Variants in PPP6R3 observed in about 807,000 individuals in gnomAD.
The protein encoded by PPP6R3 is protein phosphatase 6 regulatory subunit 3, also known as serine/threonine-protein phosphatase 6 regulatory subunit 3.
Under a neutral mutation model 110.7 loss-of-function variants are expected in PPP6R3, and 38 were observed. The ratio of observed to expected loss-of-function variants is 0.34; its 90% confidence interval spans 0.26 to 0.45. The LOEUF is 0.45. Ranked by LOEUF, PPP6R3 falls within the 20% of genes least tolerant of loss-of-function variation. The probability of loss-of-function intolerance (pLI) is 1.00; values close to 1 mark genes in which losing one functional copy is unlikely to be tolerated. For synonymous variants in PPP6R3, 369 were observed against 373.5 expected, an observed-to-expected ratio of 0.99 and a Z score of 0.14; for missense variants, 870 against 1,062.4, an observed-to-expected ratio of 0.82 and a Z score of 2.52.
At chr11:68,602,845 G>C (rs2099635842) in intron 21 of PPP6R3, among the ~76,000 whole-genome samples, 1 of 152,198 alleles carries the variant, frequency 6.6e-6, no homozygotes, top group South Asian at 2.1e-4. Flanking sequence ...GTCGATGTTT[G>C]AATCCAGGAA....
intron 7 of PPP6R3, among the ~76,000 whole-genome samples, chr11:68,556,624 C>T (rs974718660): frequency 6.6e-6 from 1 of 151,170 alleles, no homozygotes. Flanking sequence ...CAGGAAACAG[C>T]TCATATCATG....
intron 22 of PPP6R3, among the ~76,000 whole-genome samples, chr11:68,605,915 A>G (rs1246275376): frequency 6.6e-6 from 1 of 152,230 alleles, no homozygotes; most frequent in Non-Finnish European, 1.5e-5. Flanking sequence ...TAGAGAAGAT[A>G]GAAAAAGTAC....
rs577304393 is a variant in PPP6R3 at position 68,511,750 on chromosome 11, G to T, written c.-157-7751G>T. Among the ~76,000 whole-genome samples the T allele has an allele frequency of 2.1e-5, 3 of 142,390 alleles. No homozygotes were observed. In the South Asian group the frequency reaches 6.7e-4, roughly 32 times the overall value. The allele number at this position is 142,390 out of a possible 152,430, so 93.4% of individuals were successfully genotyped here. ...CCCGCCTCGGCCTCCCAAAGTGCTG[G>T]GATTACAGGCATGAGCCACTGCGCC... On this transcript the variant is annotated intron_variant, in intron 1 of 23. Coordinates refer to ENST00000393800, the MANE Select transcript of PPP6R3 (RefSeq NM_001164161.2).
intron 3 of PPP6R3, among the ~76,000 whole-genome samples, chr11:68,541,999 G>A (rs2099318090): frequency 6.6e-6 from 1 of 152,042 alleles, no homozygotes; most frequent in South Asian, 2.1e-4. Context: ...GAGAGGAAGT[G>A]GTAGGTCGAG....
At chr11:68,609,436 CA>C in intron 22 of PPP6R3, 1 of 794,070 alleles carries the variant, frequency 1.3e-6, no homozygotes, top group Non-Finnish European at 2.2e-6. Flanking sequence ...GCCCCAAAAG[CA>C]AAGTGCTTTA....
chr11:68,486,338 G>A (rs910569707), intron 1 of PPP6R3, among the ~76,000 whole-genome samples: 6 of 152,014 alleles, frequency 3.9e-5, no homozygotes, highest in African/African-American at 1.2e-4. Flanking sequence ...GGGTGCAGTG[G>A]CTCACACTTG....
At position 68,544,428 on chromosome 11, in the gene PPP6R3, T is replaced by G. The variant is rs1001401417; in HGVS notation, c.228-410T>G. On this transcript the variant is annotated intron_variant, in intron 3 of 23. Coordinates refer to ENST00000393800, the MANE Select transcript of PPP6R3 (RefSeq NM_001164161.2). ...ACAAGGTGCTGCATGCAGTGCAGTT[T>G]CCTGGAAACCAGTGTCCTCCACAGT... Among the ~76,000 whole-genome samples the G allele has an allele frequency of 2.0e-5, 3 of 152,208 alleles. No individual in the cohort carries two copies. The East Asian group carries it at 5.8e-4, about 29-fold the overall frequency.
At chr11:68,601,806 G>C (rs2099632636) in intron 20 of PPP6R3, 57 bp from the exon 21 acceptor site, 1 of 1,379,582 alleles carries the variant, frequency 7.2e-7, no homozygotes, top group Admixed American at 1.8e-5. Flanking sequence ...TGTGAATCTT[G>C]GGGTAACTGA....
At chr11:68,524,005 A>T (rs1354293253) in intron 2 of PPP6R3, among the ~76,000 whole-genome samples, 2 of 152,064 alleles carry the variant, frequency 1.3e-5, no homozygotes, top group African/African-American at 4.8e-5. Context: ...GTCAGCCCAA[A>T]TGTAGCCATG....
Position 68,614,486 on chromosome 11 carries a change from A to G in PPP6R3, c.*1369A>G. 7.2e-7 allele frequency: 1 copy of G among 1,398,190 alleles called. No homozygotes were observed. The allele number at this position is 1,398,190 out of a possible 1,614,324, so 86.6% of individuals were successfully genotyped here. ...TTTGTTTTTCCTGACCAGTATTTAA[A>G]ACCAAAAGGATATTCTGAAAAATGG... On this transcript the variant is annotated 3_prime_UTR_variant, in exon 24 of 24. Coordinates refer to ENST00000393800, the MANE Select transcript of PPP6R3 (RefSeq NM_001164161.2).
rs565199035 is a variant in PPP6R3 at position 68,589,753 on chromosome 11, T to C, written c.1731-907T>C. Reference sequence around the variant, plus strand: ...CTGTTGTTTGTCACAGGTTGCAGTTTGCAGTATGTGAGAAGCTAAAATATT... The same window carrying C: ...CTGTTGTTTGTCACAGGTTGCAGTTCGCAGTATGTGAGAAGCTAAAATATT... On this transcript the variant is annotated intron_variant, in intron 16 of 23. Coordinates refer to ENST00000393800, the MANE Select transcript of PPP6R3 (RefSeq NM_001164161.2). Among the ~76,000 whole-genome samples, 27 of 152,382 alleles carry C rather than the reference T, an allele frequency of 1.8e-4. No homozygotes were observed. The South Asian group carries it at 5.6e-3, about 32-fold the overall frequency.
At chr11:68,477,741 A>ATATATATATATATAT (rs1555021448) in intron 1 of PPP6R3, among the ~76,000 whole-genome samples, 40 of 57,888 alleles carry the variant, frequency 6.9e-4, no homozygotes, top group African/African-American at 1.1e-3. Flanking sequence ...AAAAAAAAAA[A>ATATATATATATATAT]ATATATATAT....
At chr11:68,477,494 G>A (rs1415486243) in intron 1 of PPP6R3, among the ~76,000 whole-genome samples, 2 of 151,802 alleles carry the variant, frequency 1.3e-5, no homozygotes, top group Non-Finnish European at 2.9e-5. Flanking sequence ...TCTGAGGTGG[G>A]AGGATCAATT....
chr11:68,496,694 A>G (rs1438677362), intron 1 of PPP6R3, among the ~76,000 whole-genome samples: 1 of 151,974 alleles, frequency 6.6e-6, no homozygotes, highest in African/African-American at 2.4e-5. Flanking sequence ...GCTGGTCTCA[A>G]ACTCGGCCTC....
chr11:68,556,636 G>A (rs148231939), intron 7 of PPP6R3, among the ~76,000 whole-genome samples: 1 of 151,632 alleles, frequency 6.6e-6, no homozygotes, highest in African/African-American at 2.4e-5. Flanking sequence ...CATATCATGA[G>A]TTTTAGTGAT....
chr11:68,542,969 T>A (rs549535878), intron 3 of PPP6R3, among the ~76,000 whole-genome samples: 2 of 152,282 alleles, frequency 1.3e-5, no homozygotes, highest in African/African-American at 4.8e-5. Context: ...GTTTCCACAT[T>A]AAGACAGTTG....
intron 1 of PPP6R3, chr11:68,505,047 T>C (rs1043496218): frequency 1.3e-5 from 2 of 152,218 alleles, no homozygotes; most frequent in Admixed American, 1.3e-4. Context: ...GTTTCACTTA[T>C]TTGTTCTTTT....
intron 2 of PPP6R3, among the ~76,000 whole-genome samples, chr11:68,536,637 T>G (rs1172480051): frequency 6.6e-6 from 1 of 152,198 alleles, no homozygotes; most frequent in African/African-American, 2.4e-5. Flanking sequence ...TCCTTTTACC[T>G]AGGCTCTTTT....
At chr11:68,493,964 G>A (rs900976266) in intron 1 of PPP6R3, among the ~76,000 whole-genome samples, 74 of 151,570 alleles carry the variant, frequency 4.9e-4, no homozygotes, top group African/African-American at 1.5e-3. Flanking sequence ...TTAGCTGGGC[G>A]TGGTGGCGGG....
Sources: allele counts gnomAD v4.1 joint callset (sites outside exome capture counted in the v4.1 genomes callset), GRCh38; gene constraint gnomAD v4.1.1; transcripts MANE v1.5; gene names NCBI Gene and HGNC (gene_info 2026-07-23, HGNC 2026-07-21).